DARS1: variants seen among roughly 807,000 people sequenced by gnomAD.
DARS1 encodes the protein aspartate--tRNA ligase, cytoplasmic.
A neutral mutation model predicts 68.8 loss-of-function variants in DARS1; 51 were observed. That is an observed-to-expected ratio of 0.74 (90% confidence interval 0.59 to 0.94). The LOEUF (loss-of-function observed/expected upper bound fraction) is 0.94. Ranked by LOEUF, DARS1 falls within the 40% of genes least tolerant of loss-of-function variation. The pLI is 0.00. For missense variants in DARS1, 607 were observed against 597.3 expected, an observed-to-expected ratio of 1.02 and a Z score of -0.17; for synonymous variants, 203 against 190.4, an observed-to-expected ratio of 1.07 and a Z score of -0.55.
intron 1 of DARS1, 196 bp downstream of exon 1, chr2:135,985,207 C>T (rs1682747329): frequency 1.1e-6 from 1 of 873,792 alleles, no homozygotes; most frequent in East Asian, 2.8e-5. Context: ...CCAGGTGACC[C>T]CCGCAAGAAA....
At chr2:135,916,816 C>T (rs1292311220) in intron 10 of DARS1, among the ~76,000 whole-genome samples, 1 of 152,096 alleles carries the variant, frequency 6.6e-6, no homozygotes, top group Non-Finnish European at 1.5e-5. Flanking sequence ...ACAATGCCTA[C>T]CCTATATATA....
At chr2:135,945,132 CT>C (rs1048740998) in intron 4 of DARS1, among the ~76,000 whole-genome samples, 154 of 146,748 alleles carry the variant, frequency 1.0e-3, no homozygotes, top group Admixed American at 1.5e-3. Context: ...AACACATCTA[CT>C]TTTTTTTTTT....
At chr2:135,926,183 G>C (rs1391161277) in intron 7 of DARS1, among the ~76,000 whole-genome samples, 1 of 152,112 alleles carries the variant, frequency 6.6e-6, no homozygotes, top group Non-Finnish European at 1.5e-5. Context: ...GAGCCACGAC[G>C]CCTGGCCTAA....
intron 4 of DARS1, among the ~76,000 whole-genome samples, chr2:135,944,425 GTACT>G (rs1470153414): frequency 1.3e-5 from 2 of 152,098 alleles, no homozygotes; most frequent in Non-Finnish European, 2.9e-5. Flanking sequence ...AAACCAGACA[GTACT>G]TACTTTAAAC....
intron 7 of DARS1, among the ~76,000 whole-genome samples, chr2:135,926,126 G>A (rs1681206974): frequency 6.6e-6 from 1 of 152,132 alleles, no homozygotes; most frequent in African/African-American, 2.4e-5. Context: ...CCTGACCCCA[G>A]GCGATCTGCT....
At chr2:135,918,078 C>T (rs1253571368) in intron 10 of DARS1, among the ~76,000 whole-genome samples, 1 of 152,030 alleles carries the variant, frequency 6.6e-6, no homozygotes, top group East Asian at 1.9e-4. Context: ...TGCCACCATG[C>T]CTGGCTAATT....
chr2:135,934,040 T>A, intron 5 of DARS1, 50 bp from the exon 6 acceptor site: 1 of 1,583,856 alleles, frequency 6.3e-7, no homozygotes, highest in Non-Finnish European at 8.6e-7. Context: ...AAAATCTGCA[T>A]CTTTTTCTTA....
intron 4 of DARS1, among the ~76,000 whole-genome samples, chr2:135,944,154 C>A (rs181239562): frequency 6.6e-6 from 1 of 152,004 alleles, no homozygotes; most frequent in Non-Finnish European, 1.5e-5. Flanking sequence ...TTCTAAAATA[C>A]AAAATTTATA....
chr2:135,911,945 T>G (rs1248420308), intron 13 of DARS1, among the ~76,000 whole-genome samples: 1 of 152,098 alleles, frequency 6.6e-6, no homozygotes, highest in Admixed American at 6.5e-5. Context: ...TTACCAGAAA[T>G]TTTTTACTTG....
chr2:135,976,764 C>T (rs1343394793), intron 3 of DARS1, among the ~76,000 whole-genome samples: 1 of 147,092 alleles, frequency 6.8e-6, no homozygotes, highest in African/African-American at 2.6e-5. Context: ...GGATGCTCAG[C>T]CAGTAATGCA....
intron 3 of DARS1, among the ~76,000 whole-genome samples, chr2:135,971,554 CACT>C (rs1423681852): frequency 6.6e-6 from 1 of 152,104 alleles, no homozygotes; most frequent in Non-Finnish European, 1.5e-5. Context: ...TCATTTTCAC[CACT>C]GTTATTCAAC....
intron 7 of DARS1, among the ~76,000 whole-genome samples, chr2:135,931,372 G>A (rs1681344911): frequency 6.6e-6 from 1 of 152,102 alleles, no homozygotes; most frequent in South Asian, 2.1e-4. Context: ...GAGTAGCTGG[G>A]ACCACAGATG....
In DARS1 at chr2:135,911,215, A is replaced by T; in HGVS notation, c.1343-5T>A. ...AAGCCTTAATTTTCTCCAAATCTGC[A>T]AAAAGACACAAAACAAAATATAATT... On this transcript the variant is annotated splice_polypyrimidine_tract_variant and splice_region_variant and intron_variant, in intron 14 of 15. Coordinates refer to ENST00000264161, the MANE Select transcript of DARS1 (RefSeq NM_001349.4). The T allele has an allele frequency of 7.0e-7, 1 of 1,421,174 alleles. No homozygotes were observed. The highest frequency in any genetic ancestry group is 9.9e-7 in the Non-Finnish European group (1 of 1,005,970). The allele number at this position is 1,421,174 out of a possible 1,614,324, so 88.0% of individuals were successfully genotyped here. A position where few individuals can be genotyped will look rare whatever the true frequency, so the allele number is the denominator to read the frequency against.
chr2:135,964,874 A>G (rs1171509510), intron 3 of DARS1, among the ~76,000 whole-genome samples: 1 of 151,012 alleles, frequency 6.6e-6, no homozygotes, highest in Non-Finnish European at 1.5e-5. Context: ...GAAGTGAAGA[A>G]TGTTCACTAT....
At chr2:135,971,025 G>A (rs1256381518) in intron 3 of DARS1, among the ~76,000 whole-genome samples, 1 of 151,934 alleles carries the variant, frequency 6.6e-6, no homozygotes, top group African/African-American at 2.4e-5. Flanking sequence ...ACATTTAAAG[G>A]ACTCACACCA....
At chr2:135,915,678 T>C (rs551396970) in intron 11 of DARS1, among the ~76,000 whole-genome samples, 1 of 152,224 alleles carries the variant, frequency 6.6e-6, no homozygotes, top group Non-Finnish European at 1.5e-5. Context: ...ATATATAATA[T>C]AGTATGTATG....
chr2:135,925,925 T>G (rs1230456598), intron 7 of DARS1, among the ~76,000 whole-genome samples: 1 of 152,222 alleles, frequency 6.6e-6, no homozygotes, highest in East Asian at 1.9e-4. Context: ...ATACATTTTA[T>G]TGCCGCTTGC....
rs142779206 is a variant in DARS1, at chr2:135,922,460, C to T, written c.811+324G>A. On this transcript the variant is annotated intron_variant, in intron 9 of 15. Coordinates refer to ENST00000264161, the MANE Select transcript of DARS1 (RefSeq NM_001349.4). ...TCAGATGGTGTATATTTTCAAGAAA[C>T]GCATTTTTAAAATGACATATTCTCA... is the stretch of plus-strand genomic sequence containing the variant. Among the ~76,000 whole-genome samples the T allele has an allele frequency of 5.9e-5, 9 of 152,144 alleles. No homozygotes were observed. In the East Asian group the frequency reaches 1.5e-3, roughly 26 times the overall value.
intron 3 of DARS1, among the ~76,000 whole-genome samples, chr2:135,975,275 G>A (rs1458598090): frequency 2.6e-5 from 4 of 152,092 alleles, no homozygotes; most frequent in Non-Finnish European, 4.4e-5. Flanking sequence ...AACCTGGGAG[G>A]CGGAGTTTGC....
Sources: gnomAD v4.1 joint callset for allele counts (sites outside exome capture counted in the v4.1 genomes callset) on GRCh38, gnomAD v4.1.1 for gene constraint, MANE v1.5 for transcripts, NCBI Gene and HGNC (gene_info 2026-07-23, HGNC 2026-07-21) for gene names.